OPCML: variants seen among roughly 807,000 people sequenced by gnomAD.
OPCML encodes the protein opioid-binding protein/cell adhesion molecule.
A neutral mutation model predicts 37.8 loss-of-function variants in OPCML; 13 were observed. The ratio of observed to expected loss-of-function variants is 0.34; its 90% CI spans 0.22 to 0.55. The LOEUF (loss-of-function observed/expected upper bound fraction) is 0.55, where lower values mean the gene tolerates loss of function less well. OPCML is among the 20% of genes least tolerant of loss of function. The pLI, the probability that OPCML is intolerant of heterozygous loss-of-function variation, is 0.91. For missense variants in OPCML, 341 were observed against 435.6 expected (o/e 0.78, Z 1.93); for synonymous variants, 176 against 168.8 (o/e 1.04, Z -0.33).
At chr11:132,812,443 A>T (rs527893395) in intron 2 of OPCML, among the ~76,000 whole-genome samples, 1 of 149,116 alleles carries the variant, frequency 6.7e-6, no homozygotes, top group African/African-American at 2.6e-5. Context: ...AATTAACATT[A>T]CAGAATCAAG....
At chr11:133,172,759 A>T (rs1442509891) in intron 1 of OPCML, among the ~76,000 whole-genome samples, 2 of 152,232 alleles carry the variant, frequency 1.3e-5, no homozygotes, top group African/African-American at 4.8e-5. Flanking sequence ...CCAAAAAACA[A>T]TATATAATTC....
chr11:132,488,965 A>T (rs568818823), intron 4 of OPCML, among the ~76,000 whole-genome samples: 1 of 152,316 alleles, frequency 6.6e-6, no homozygotes, highest in South Asian at 2.1e-4. Context: ...TGGCTCCAGG[A>T]CAGCCAGCTG....
At chr11:132,677,871 G>A (rs3019856) in intron 2 of OPCML, among the ~76,000 whole-genome samples, 75,061 of 151,708 alleles carry the variant, frequency 0.49, 18,663 homozygotes, top group Middle Eastern at 0.56. Flanking sequence ...AACAACAAAG[G>A]CACAATTCAT....
chr11:132,555,485 C>A (rs1301946916), intron 3 of OPCML, among the ~76,000 whole-genome samples: 1 of 152,100 alleles, frequency 6.6e-6, no homozygotes, highest in Admixed American at 6.5e-5. Flanking sequence ...AATTATCTCC[C>A]ACCAGGTCCC....
chr11:133,467,744 C>A (rs1312539035), intron 1 of OPCML, among the ~76,000 whole-genome samples: 1 of 152,132 alleles, frequency 6.6e-6, no homozygotes, highest in Non-Finnish European at 1.5e-5. Flanking sequence ...GACTCCCCGG[C>A]CTTCTTCTGT....
intron 3 of OPCML, among the ~76,000 whole-genome samples, chr11:132,564,123 C>G (rs554532615): frequency 1.1e-4 from 16 of 152,308 alleles, no homozygotes; most frequent in African/African-American, 3.8e-4. Context: ...GGTTCAGTGA[C>G]GCCTGCTCTC....
chr11:133,437,866 C>T, intron 1 of OPCML, among the ~76,000 whole-genome samples: 1 of 152,004 alleles, frequency 6.6e-6, no homozygotes, highest in East Asian at 1.9e-4. Context: ...TTATTTTAAA[C>T]CTATACTCCA....
chr11:132,420,702 C>T (rs547348582), intron 7 of OPCML, among the ~76,000 whole-genome samples: 2 of 152,248 alleles, frequency 1.3e-5, no homozygotes, highest in East Asian at 3.9e-4. Flanking sequence ...AGGCAAGGAG[C>T]AGATGGTGGG....
intron 1 of OPCML, among the ~76,000 whole-genome samples, chr11:133,215,212 G>C (rs1051744199): frequency 1.1e-4 from 16 of 149,422 alleles, no homozygotes; most frequent in Admixed American, 2.0e-4. Context: ...GAGAGTGTGT[G>C]TGTGTGAGAG....
intron 2 of OPCML, among the ~76,000 whole-genome samples, chr11:132,852,569 G>A (rs1941858187): frequency 6.6e-6 from 1 of 151,962 alleles, no homozygotes; most frequent in South Asian, 2.1e-4. Flanking sequence ...AACTGTATCT[G>A]TCGGCACCGC....
At chr11:133,060,405 G>A (rs948627696) in intron 1 of OPCML, among the ~76,000 whole-genome samples, 3 of 152,156 alleles carry the variant, frequency 2.0e-5, no homozygotes, top group African/African-American at 4.8e-5. Context: ...CACAATAGCC[G>A]CATGCTGTTA....
intron 2 of OPCML, among the ~76,000 whole-genome samples, chr11:132,924,220 T>C (rs937217642): frequency 6.6e-6 from 1 of 152,116 alleles, no homozygotes; most frequent in Non-Finnish European, 1.5e-5. Context: ...AAGAGTCAGC[T>C]ACACCTGTAA....
chr11:132,778,497 T>C (rs562944008), intron 2 of OPCML, among the ~76,000 whole-genome samples: 1 of 152,382 alleles, frequency 6.6e-6, no homozygotes, highest in South Asian at 2.1e-4. Context: ...TAGCATTTAC[T>C]GTTATATAAA....
chr11:132,937,478 CAGAGAG>C lies in OPCML; in HGVS notation c.146+5442_146+5447del, dbSNP rs35025482. On this transcript the variant is annotated intron_variant, in intron 2 of 7. Transcript: ENST00000524381. ...CCACAGCCTGCTTCAAACAGGGGGACAGAGAGAGAGAGAGAGAGTGTGTGTGTATGT... is the reference window on the plus strand; with the variant it reads ...CCACAGCCTGCTTCAAACAGGGGGACAGAGAGAGAGAGTGTGTGTGTATGT... Among the ~76,000 whole-genome samples, 16 of 149,400 alleles carry C rather than the reference CAGAGAG, an allele frequency of 1.1e-4. 1 individual carries two copies. In the East Asian group the frequency reaches 2.2e-3, roughly 20 times the overall value.
chr11:132,578,103 T>G (rs1206195967), intron 3 of OPCML, among the ~76,000 whole-genome samples: 1 of 152,236 alleles, frequency 6.6e-6, no homozygotes, highest in African/African-American at 2.4e-5. Context: ...GTCTAAGTTA[T>G]GTATGCATGA....
At chr11:132,594,637 G>A (rs2096489660) in intron 3 of OPCML, among the ~76,000 whole-genome samples, 1 of 152,020 alleles carries the variant, frequency 6.6e-6, no homozygotes, top group Admixed American at 6.6e-5. Context: ...CTAGGTACAG[G>A]GAGAAAAAAG....
Position 132,420,115 on chromosome 11 carries a change from T to C in OPCML, c.*78A>G. On this transcript the variant is annotated 3_prime_UTR_variant, in exon 8 of 8. Transcript: ENST00000524381. ...GAAAAAAACAAAAAGAAGCCCAAGC[T>C]GGTTTGCTCTCCGCAGTGTAGATTA... 1 of 1,103,376 alleles carries C rather than the reference T, an allele frequency of 9.1e-7. No homozygotes were observed. The highest frequency in any genetic ancestry group is 1.3e-6 in the Non-Finnish European group (1 of 772,862). The allele number at this position is 1,103,376 out of a possible 1,614,324, so 68.3% of individuals were successfully genotyped here.
intron 1 of OPCML, among the ~76,000 whole-genome samples, chr11:133,484,303 AGGTCTTAACTGCGT>A (rs1228353372): frequency 1.3e-5 from 2 of 152,148 alleles, no homozygotes; most frequent in African/African-American, 4.8e-5. Context: ...AACAAGAAAA[AGGTCTTAACTGCGT>A]GGTCCAATGA....
intron 2 of OPCML, chr11:132,772,057 C>T (rs1321707405): frequency 1.3e-5 from 2 of 152,212 alleles, no homozygotes; most frequent in East Asian, 1.9e-4. Flanking sequence ...GGGTAAATGC[C>T]ATCTTCTGAA....
Sources: allele counts gnomAD v4.1 joint callset (sites outside exome capture counted in the v4.1 genomes callset), GRCh38; gene constraint gnomAD v4.1.1; transcripts MANE v1.5; gene names NCBI Gene and HGNC (gene_info 2026-07-23, HGNC 2026-07-21).